DOCK1: variants seen among roughly 807,000 people sequenced by gnomAD.
DOCK1 encodes dedicator of cytokinesis 1, also known as dedicator of cytokinesis protein 1.
Under a neutral mutation model 262.7 loss-of-function variants are expected in DOCK1, and 138 were observed. The observed-to-expected ratio is 0.53, with a 90% confidence interval of 0.46 to 0.61. The LOEUF (loss-of-function observed/expected upper bound fraction) is 0.61, where lower values mean the gene tolerates loss of function less well. Ranked by LOEUF, DOCK1 falls within the 20% of genes least tolerant of loss-of-function variation. The pLI is 0.00. For synonymous variants in DOCK1, 866 were observed against 867.4 expected, an observed-to-expected ratio of 1.00 and a Z score of 0.03; for missense variants, 1,908 against 2,370.7, an observed-to-expected ratio of 0.80 and a Z score of 4.05.
chr10:127,404,236 C>G, intron 39 of DOCK1, 89 bp from the exon 40 acceptor site: 3 of 1,132,868 alleles, frequency 2.6e-6, no homozygotes, highest in Non-Finnish European at 2.6e-6. Context: ...TAGAAGTTGC[C>G]AGAGCTTTTA....
At chr10:127,049,841 T>C (rs908378327) in intron 21 of DOCK1, among the ~76,000 whole-genome samples, 4 of 151,976 alleles carry the variant, frequency 2.6e-5, no homozygotes, top group African/African-American at 9.7e-5. Flanking sequence ...CAAGATAGCA[T>C]GGTATTGGCA....
intron 37 of DOCK1, among the ~76,000 whole-genome samples, chr10:127,381,741 GAGACATACCCCTA>G (rs2065836641): frequency 6.6e-6 from 1 of 152,200 alleles, no homozygotes; most frequent in Admixed American, 6.5e-5. Flanking sequence ...GAGATAGGAT[GAGACATACCCCTA>G]ATTGTCTTAG....
intron 33 of DOCK1, among the ~76,000 whole-genome samples, chr10:127,373,453 A>G (rs998769129): frequency 5.9e-5 from 9 of 151,276 alleles, no homozygotes; most frequent in Non-Finnish European, 1.2e-4. Context: ...GTAGAGATGA[A>G]GTTTGAGACT....
At chr10:127,120,885 C>T (rs2049516002) in intron 25 of DOCK1, among the ~76,000 whole-genome samples, 1 of 152,110 alleles carries the variant, frequency 6.6e-6, no homozygotes, top group African/African-American at 2.4e-5. Context: ...TAATACTATA[C>T]CTTCTGTTAA....
chr10:127,050,940 T>G (rs2044684841), intron 21 of DOCK1, among the ~76,000 whole-genome samples: 1 of 152,174 alleles, frequency 6.6e-6, no homozygotes, highest in Non-Finnish European at 1.5e-5. Context: ...AAAAATAATT[T>G]AATACATTTC....
At chr10:126,933,702 C>T (rs1239931217) in intron 1 of DOCK1, among the ~76,000 whole-genome samples, 1 of 152,164 alleles carries the variant, frequency 6.6e-6, no homozygotes, top group Non-Finnish European at 1.5e-5. Context: ...ATTCCTTCTG[C>T]TTCTCTTTGA....
At chr10:127,366,239 A>C (rs1282272490) in intron 33 of DOCK1, among the ~76,000 whole-genome samples, 1 of 152,006 alleles carries the variant, frequency 6.6e-6, no homozygotes, top group African/African-American at 2.4e-5. Context: ...CAGAAAAACT[A>C]ACCCTTGTTT....
intron 27 of DOCK1, among the ~76,000 whole-genome samples, chr10:127,139,060 G>C (rs2050974244): frequency 6.6e-6 from 1 of 152,146 alleles, no homozygotes; most frequent in Admixed American, 6.5e-5. Context: ...CAGGCCTTGG[G>C]AGGATTCCGC....
rs1305377467 is a variant in DOCK1 at position 127,425,864 on chromosome 10, T to G, written c.4777-10T>G. ...AAGAAATAAGGAATGTCAACCTCTC[T>G]GTTTTCCAGATTCCTTTTCTGGCCG... On this transcript the variant is annotated splice_polypyrimidine_tract_variant and intron_variant, in intron 46 of 51. Transcript: ENST00000623213. 6.2e-7 allele frequency: 1 copy of G among 1,613,876 alleles called. No individual in the cohort carries two copies. The highest frequency in any genetic ancestry group is 8.5e-7 in the Non-Finnish European group (1 of 1,179,884).
chr10:127,396,258 T>A (rs2066835413), intron 38 of DOCK1, among the ~76,000 whole-genome samples: 1 of 150,952 alleles, frequency 6.6e-6, no homozygotes, highest in Non-Finnish European at 1.5e-5. Flanking sequence ...GCATAGAGAG[T>A]CCTGGGCCAG....
intron 1 of DOCK1, among the ~76,000 whole-genome samples, chr10:126,951,852 A>ATTT (rs1184702030): frequency 0.3 from 42,760 of 142,404 alleles, 6,876 homozygotes; most frequent in Non-Finnish European, 0.36. Context: ...CAGCCTCTTC[A>ATTT]TTTTTTTTTT....
At position 127,276,722 on chromosome 10, in the gene DOCK1, A is replaced by G. The variant is rs115461921; in HGVS notation, c.3044+19293A>G. 3.2e-3 allele frequency among the ~76,000 whole-genome samples: 491 copies of G among 152,264 alleles called. 1 individual carries two copies. Among genetic ancestry groups the G allele is most frequent in the Middle Eastern group, 0.01 (3 of 294 alleles). ...GCCCCAGAAATCATGGATGCAGCAA[A>G]AATTTTGAAAATGAAATTTTTCCTA... On this transcript the variant is annotated intron_variant, in intron 29 of 51. Coordinates refer to ENST00000623213, the MANE Select transcript of DOCK1 (RefSeq NM_001290223.2).
At chr10:127,430,788 C>T (rs2069231739) in intron 47 of DOCK1, among the ~76,000 whole-genome samples, 1 of 152,196 alleles carries the variant, frequency 6.6e-6, no homozygotes, top group African/African-American at 2.4e-5. Flanking sequence ...TCAGCCAACC[C>T]CTTCAACCCA....
chr10:127,224,056 A>G (rs1052049984), intron 27 of DOCK1, among the ~76,000 whole-genome samples: 5 of 152,336 alleles, frequency 3.3e-5, no homozygotes, highest in African/African-American at 1.2e-4. Flanking sequence ...AAAAGAAGAT[A>G]CTGATATTTT....
chr10:126,924,869 T>C (rs1186012522), intron 1 of DOCK1, among the ~76,000 whole-genome samples: 1 of 152,220 alleles, frequency 6.6e-6, no homozygotes, highest in East Asian at 1.9e-4. Context: ...GATGAAAGTG[T>C]TTCTTAAGGA....
chr10:127,399,080 C>A (rs759677338), intron 38 of DOCK1, among the ~76,000 whole-genome samples: 1 of 152,148 alleles, frequency 6.6e-6, no homozygotes, highest in Non-Finnish European at 1.5e-5. Context: ...GAACACGTCT[C>A]GTATCATCTG....
intron 38 of DOCK1, among the ~76,000 whole-genome samples, chr10:127,396,436 TAAG>T (rs2066851113): frequency 6.6e-6 from 1 of 152,204 alleles, no homozygotes; most frequent in South Asian, 2.1e-4. Context: ...CTCTCACCTT[TAAG>T]AAGAGTTCTT....
At chr10:127,449,844 A>C (rs891737131) in intron 51 of DOCK1, among the ~76,000 whole-genome samples, 2 of 152,078 alleles carry the variant, frequency 1.3e-5, no homozygotes, top group Admixed American at 1.3e-4. Context: ...TTTCTTTCCA[A>C]ATGGCTCTTC....
chr10:126,991,614 C>T (rs112885732), intron 6 of DOCK1, among the ~76,000 whole-genome samples: 3 of 152,004 alleles, frequency 2.0e-5, no homozygotes, highest in Admixed American at 6.6e-5. Context: ...ATTGCAATCC[C>T]CGTCTCCTGG....
Sources: allele counts gnomAD v4.1 joint callset (sites outside exome capture counted in the v4.1 genomes callset), GRCh38; gene constraint gnomAD v4.1.1; transcripts MANE v1.5; gene names NCBI Gene and HGNC (gene_info 2026-07-23, HGNC 2026-07-21).